SLC9A9: variants seen among roughly 807,000 people sequenced by gnomAD.
SLC9A9 encodes the protein sodium/hydrogen exchanger 9.
SLC9A9 carries 62 observed loss-of-function variants against 77.8 expected under a neutral mutation model. The observed-to-expected ratio is 0.80, with a 90% CI of 0.65 to 0.98. The LOEUF (loss-of-function observed/expected upper bound fraction) is 0.98, where lower values mean the gene tolerates loss of function less well. Among genes scored for constraint, SLC9A9 ranks in the 50% least tolerant of loss-of-function variants. The pLI is 0.00. For missense variants in SLC9A9, 775 were observed against 774.9 expected (o/e 1.00, Z 0.00); for synonymous variants, 320 against 283.5 (o/e 1.13, Z -1.29).
intron 4 of SLC9A9, among the ~76,000 whole-genome samples, chr3:143,757,895 T>C (rs1427952818): frequency 1.3e-5 from 2 of 151,936 alleles, no homozygotes; most frequent in Non-Finnish European, 1.5e-5. Context: ...GAAGGAAAGA[T>C]CAAAGGCAAG....
At chr3:143,322,489 T>G (rs1052641974) in intron 14 of SLC9A9, among the ~76,000 whole-genome samples, 3 of 151,882 alleles carry the variant, frequency 2.0e-5, no homozygotes, top group African/African-American at 7.3e-5. Flanking sequence ...ATCTTGGGAC[T>G]TCTCAGTCTC....
At chr3:143,671,800 C>G (rs549959599) in intron 5 of SLC9A9, among the ~76,000 whole-genome samples, 2 of 152,212 alleles carry the variant, frequency 1.3e-5, no homozygotes, top group East Asian at 1.9e-4. Context: ...CGTCTGTGCT[C>G]TCTAGAAGCC....
chr3:143,642,066 T>C (rs1234031216), intron 6 of SLC9A9, among the ~76,000 whole-genome samples: 1 of 152,242 alleles, frequency 6.6e-6, no homozygotes, highest in Non-Finnish European at 1.5e-5. Context: ...AGAAGTTCTA[T>C]CATTGATGAG....
At chr3:143,304,763 C>T (rs1041136833) in intron 14 of SLC9A9, among the ~76,000 whole-genome samples, 2 of 152,186 alleles carry the variant, frequency 1.3e-5, no homozygotes, top group African/African-American at 2.4e-5. Context: ...TTCCTAAAGG[C>T]TGGTTTAACA....
intron 14 of SLC9A9, among the ~76,000 whole-genome samples, chr3:143,292,093 T>C (rs536441933): frequency 6.6e-6 from 1 of 152,286 alleles, no homozygotes; most frequent in African/African-American, 2.4e-5. Flanking sequence ...AGCCAGGAGC[T>C]TTAGAACCAG....
At chr3:143,504,562 A>G (rs1436566846) in intron 9 of SLC9A9, among the ~76,000 whole-genome samples, 1 of 152,206 alleles carries the variant, frequency 6.6e-6, no homozygotes, top group Non-Finnish European at 1.5e-5. Context: ...TTACAGTTAC[A>G]TATAGGTAAA....
chr3:143,336,898 T>C (rs368990551), intron 14 of SLC9A9, among the ~76,000 whole-genome samples: 1 of 152,168 alleles, frequency 6.6e-6, no homozygotes, highest in East Asian at 1.9e-4. Flanking sequence ...TTTTACTACA[T>C]TAATATTTAA....
intron 4 of SLC9A9, among the ~76,000 whole-genome samples, chr3:143,735,239 G>T (rs758425169): frequency 1.3e-5 from 2 of 152,128 alleles, no homozygotes; most frequent in Non-Finnish European, 2.9e-5. Flanking sequence ...CTTGCTAATG[G>T]TTAAAGCTTC....
chr3:143,737,579 G>A (rs745324068), intron 4 of SLC9A9, among the ~76,000 whole-genome samples: 4 of 151,904 alleles, frequency 2.6e-5, no homozygotes, highest in Non-Finnish European at 4.4e-5. Flanking sequence ...AATATGTCCA[G>A]AATAAAGCTC....
chr3:143,378,669 T>C (rs2033235559), intron 13 of SLC9A9, among the ~76,000 whole-genome samples: 1 of 152,218 alleles, frequency 6.6e-6, no homozygotes, highest in Non-Finnish European at 1.5e-5. Context: ...TGCTTTCAAG[T>C]ACAAGGAATC....
At chr3:143,292,420 G>C (rs542820877) in intron 14 of SLC9A9, among the ~76,000 whole-genome samples, 1 of 152,274 alleles carries the variant, frequency 6.6e-6, no homozygotes, top group Admixed American at 6.5e-5. Flanking sequence ...TATCAGAAGA[G>C]TTAGGGAATT....
At chr3:143,352,048 T>C (rs1248553030) in intron 14 of SLC9A9, among the ~76,000 whole-genome samples, 1 of 152,192 alleles carries the variant, frequency 6.6e-6, no homozygotes, top group Non-Finnish European at 1.5e-5. Flanking sequence ...CTCTGGGGAC[T>C]TCTCTTCCTT....
chr3:143,507,916 G>A (rs1025519408), intron 9 of SLC9A9, among the ~76,000 whole-genome samples: 6 of 152,092 alleles, frequency 3.9e-5, no homozygotes, highest in African/African-American at 7.2e-5. Context: ...AAGCTCTCAC[G>A]TCTCTTCTAA....
intron 12 of SLC9A9, among the ~76,000 whole-genome samples, chr3:143,461,114 A>G (rs2035183582): frequency 6.6e-6 from 1 of 152,222 alleles, no homozygotes; most frequent in Non-Finnish European, 1.5e-5. Flanking sequence ...CAGCTTGATG[A>G]AATGTTACAA....
intron 14 of SLC9A9, among the ~76,000 whole-genome samples, chr3:143,329,425 A>G (rs2031699669): frequency 6.6e-6 from 1 of 152,236 alleles, no homozygotes. Context: ...TGGCAGCATC[A>G]GATCCCTATT....
chr3:143,610,297 C>G lies in SLC9A9; in HGVS notation c.756-31574G>C, dbSNP rs186363414. Among the ~76,000 whole-genome samples, 485 of 152,176 alleles carry G rather than the reference C, an allele frequency of 3.2e-3. 4 individuals carry two copies. The highest frequency in any genetic ancestry group is 1.9e-3 in the Non-Finnish European group (128 of 67,990). ...CCCATTAGCTGGGACTACAAGCATG[C>G]CACCACACCCAGTTAATTTTTTAAT... On this transcript the variant is annotated intron_variant, in intron 6 of 15. Coordinates refer to ENST00000316549, the MANE Select transcript of SLC9A9 (RefSeq NM_173653.4).
At chr3:143,606,438 A>ATATC (rs1559990340) in intron 6 of SLC9A9, among the ~76,000 whole-genome samples, 1 of 49,288 alleles carries the variant, frequency 2.0e-5, no homozygotes, top group Non-Finnish European at 4.0e-5. Flanking sequence ...CTCTCTCTCT[A>ATATC]TATATATATA....
chr3:143,632,447 T>C (rs1224987244), intron 6 of SLC9A9, among the ~76,000 whole-genome samples: 1 of 152,088 alleles, frequency 6.6e-6, no homozygotes, highest in Non-Finnish European at 1.5e-5. Context: ...AAATTGAACC[T>C]GAGGCACTTT....
chr3:143,390,518 C>T (rs546358211), intron 12 of SLC9A9, among the ~76,000 whole-genome samples: 31 of 152,320 alleles, frequency 2.0e-4, no homozygotes, highest in Admixed American at 3.3e-4. Context: ...CAGCTCCCAG[C>T]ATGAGCAACG....
Sources: gnomAD v4.1 joint callset for allele counts (sites outside exome capture counted in the v4.1 genomes callset) on GRCh38, gnomAD v4.1.1 for gene constraint, MANE v1.5 for transcripts, NCBI Gene and HGNC (gene_info 2026-07-23, HGNC 2026-07-21) for gene names.